Variants in GALNT13 observed in about 807,000 individuals in gnomAD.
The protein encoded by GALNT13 is polypeptide N-acetylgalactosaminyltransferase 13, also known as UDP-GalNAc:polypeptide N-acetylgalactosaminyltransferase 13.
A neutral mutation model predicts 64.2 loss-of-function variants in GALNT13; 28 were observed. That is an observed-to-expected ratio of 0.44 (90% CI 0.32 to 0.60). GALNT13 has a LOEUF of 0.60. Among genes scored for constraint, GALNT13 ranks in the 20% least tolerant of loss-of-function variants. GALNT13 has a pLI of 0.05. For missense variants in GALNT13, 577 were observed against 669.8 expected (o/e 0.86, Z 1.53); for synonymous variants, 214 against 224.6 (o/e 0.95, Z 0.42).
the GALNT13 span, among the ~76,000 whole-genome samples, chr2:153,465,736 T>C: frequency 6.6e-6 from 1 of 152,040 alleles, no homozygotes; most frequent in African/African-American, 2.4e-5. Context: ...AAAGCCATTT[T>C]GAGTGTAACT....
chr2:153,992,793 T>C (rs1695246002), intron 3 of GALNT13, among the ~76,000 whole-genome samples: 1 of 152,190 alleles, frequency 6.6e-6, no homozygotes, highest in African/African-American at 2.4e-5. Flanking sequence ...AGAAAACCAA[T>C]GGCAGCACTA....
chr2:154,255,285 G>A (rs1269684872), intron 7 of GALNT13, among the ~76,000 whole-genome samples: 1 of 152,168 alleles, frequency 6.6e-6, no homozygotes, highest in African/African-American at 2.4e-5. Context: ...GCGGGAGCAG[G>A]ATCTAGCTTC....
At chr2:153,685,629 T>C in the GALNT13 span, among the ~76,000 whole-genome samples, 4 of 151,948 alleles carry the variant, frequency 2.6e-5, no homozygotes. Context: ...GGTTACTCTG[T>C]GGATAGTTTC....
chr2:153,950,699 C>G (rs1692110993), intron 3 of GALNT13, among the ~76,000 whole-genome samples: 1 of 152,012 alleles, frequency 6.6e-6, no homozygotes, highest in South Asian at 2.1e-4. Flanking sequence ...TATATCAATA[C>G]AAGGAGATCT....
At chr2:153,436,142 G>A in the GALNT13 span, among the ~76,000 whole-genome samples, 34 of 152,168 alleles carry the variant, frequency 2.2e-4, no homozygotes, top group Admixed American at 1.4e-3. Context: ...ATTGATATTC[G>A]TTTGTTGAAC....
At position 153,980,936 on chromosome 2, in the gene GALNT13, C is replaced by CT. The variant is rs551059354; in HGVS notation, c.142+36298dup. Reference sequence around the variant, plus strand: ...AGGAAGCCAGGCTCTTCCTTTTCAACTAAAGGAGCTTTACTTTTATGTAAG... The same window carrying CT: ...AGGAAGCCAGGCTCTTCCTTTTCAACTTAAAGGAGCTTTACTTTTATGTAAG... On this transcript the variant is annotated intron_variant, in intron 3 of 12. Coordinates refer to ENST00000392825, the MANE Select transcript of GALNT13 (RefSeq NM_052917.4). Among the ~76,000 whole-genome samples, 56 of 152,144 alleles carry CT rather than the reference C, an allele frequency of 3.7e-4. No homozygotes were observed. The East Asian group carries it at 0.01, about 28-fold the overall frequency.
the GALNT13 span, among the ~76,000 whole-genome samples, chr2:153,391,933 C>T: frequency 6.7e-6 from 1 of 150,224 alleles, no homozygotes; most frequent in Non-Finnish European, 1.5e-5. Flanking sequence ...GCTTCCTTTA[C>T]TCATTTGAAA....
At chr2:153,819,146 C>G in the GALNT13 span, among the ~76,000 whole-genome samples, 2 of 152,154 alleles carry the variant, frequency 1.3e-5, no homozygotes, top group African/African-American at 4.8e-5. Context: ...ACACCATTAC[C>G]AACATGTATG....
chr2:153,238,553 A>T, the GALNT13 span, among the ~76,000 whole-genome samples: 12 of 152,040 alleles, frequency 7.9e-5, no homozygotes, highest in Non-Finnish European at 1.5e-4. Flanking sequence ...GCATGTGGAT[A>T]TCCAGTTTCC....
intron 9 of GALNT13, 85 bp downstream of exon 9, chr2:154,301,674 T>A (rs1693448458): frequency 4.5e-6 from 4 of 882,632 alleles, no homozygotes; most frequent in Non-Finnish European, 6.9e-6. Flanking sequence ...TTGCTGTTAT[T>A]CTTCTAGTTA....
chr2:154,140,238 A>C, intron 3 of GALNT13, 99 bp from the exon 4 acceptor site: 2 of 844,782 alleles, frequency 2.4e-6, no homozygotes, highest in Non-Finnish European at 3.7e-6. Context: ...CCTGTATGTA[A>C]ATAATATGCT....
At chr2:153,184,454 C>T in the GALNT13 span, among the ~76,000 whole-genome samples, 186 of 151,970 alleles carry the variant, frequency 1.2e-3, no homozygotes, top group African/African-American at 4.1e-3. Flanking sequence ...TATTTGAATA[C>T]GCTTCATTTC....
intron 9 of GALNT13, among the ~76,000 whole-genome samples, chr2:154,393,237 C>T (rs143688168): frequency 6.6e-6 from 1 of 152,296 alleles, no homozygotes; most frequent in Non-Finnish European, 1.5e-5. Flanking sequence ...AATTCAGGCT[C>T]TACAGTCACT....
the GALNT13 span, among the ~76,000 whole-genome samples, chr2:153,682,026 C>T: frequency 1.3e-5 from 2 of 151,642 alleles, no homozygotes; most frequent in Admixed American, 6.6e-5. Flanking sequence ...ACAGTTCTTG[C>T]GCTGGCAACT....
chr2:153,635,577 T>G, the GALNT13 span, among the ~76,000 whole-genome samples: 1 of 151,996 alleles, frequency 6.6e-6, no homozygotes, highest in African/African-American at 2.4e-5. Flanking sequence ...AAGTTGGAAA[T>G]GTAGATATTT....
the GALNT13 span, among the ~76,000 whole-genome samples, chr2:153,331,657 G>A: frequency 6.6e-6 from 1 of 151,956 alleles, no homozygotes. Flanking sequence ...ATATTTGCTG[G>A]CAGCTGATTA....
the GALNT13 span, among the ~76,000 whole-genome samples, chr2:153,403,428 G>A: frequency 2.4e-3 from 368 of 152,290 alleles, 2 homozygotes; most frequent in Non-Finnish European, 3.6e-3. Context: ...GAGGCAGGCA[G>A]GCCTCCTTGA....
intron 9 of GALNT13, among the ~76,000 whole-genome samples, chr2:154,390,704 T>C (rs1698749271): frequency 6.6e-6 from 1 of 152,208 alleles, no homozygotes; most frequent in African/African-American, 2.4e-5. Flanking sequence ...TTTTATCATT[T>C]ACCTATTAAT....
chr2:154,070,919 GAA>G (rs527665873), intron 3 of GALNT13, among the ~76,000 whole-genome samples: 1,544 of 127,898 alleles, frequency 0.012, 13 homozygotes, highest in South Asian at 0.021. Context: ...TGTTTCAAAA[GAA>G]AAAAAAAAAG....
Sources: gnomAD v4.1 joint callset for allele counts (sites outside exome capture counted in the v4.1 genomes callset) on GRCh38, gnomAD v4.1.1 for gene constraint, MANE v1.5 for transcripts, NCBI Gene and HGNC (gene_info 2026-07-23, HGNC 2026-07-21) for gene names.